C2CD3: variants seen among roughly 807,000 people sequenced by gnomAD.
C2CD3 encodes the protein C2 domain containing 3 centriole elongation regulator, also known as C2 domain-containing protein 3.
A neutral mutation model predicts 234.0 loss-of-function variants in C2CD3; 148 were observed. The observed-to-expected ratio is 0.63, with a 90% CI of 0.55 to 0.72. The LOEUF (loss-of-function observed/expected upper bound fraction) is 0.72. Among genes scored for constraint, C2CD3 ranks in the 30% least tolerant of loss-of-function variants. C2CD3 has a pLI of 0.00. For synonymous variants in C2CD3, 1,000 were observed against 1,035.4 expected, an observed-to-expected ratio of 0.97 and a Z score of 0.66; for missense variants, 2,577 against 2,811.5, an observed-to-expected ratio of 0.92 and a Z score of 1.89.
At chr11:74,093,766 T>A (rs1445581962) in intron 18 of C2CD3, 50 bp downstream of exon 18, 1 of 1,485,330 alleles carries the variant, frequency 6.7e-7, no homozygotes, top group Non-Finnish European at 9.3e-7. Context: ...GGATGCTTTA[T>A]GATTGTGCAC....
At chr11:74,119,545 A>G (rs1386273654) in intron 8 of C2CD3, among the ~76,000 whole-genome samples, 1 of 152,024 alleles carries the variant, frequency 6.6e-6, no homozygotes, top group Non-Finnish European at 1.5e-5. Flanking sequence ...TTTTTTCAGC[A>G]TGTCAGGGGG....
chr11:74,046,740 C>A (rs1326153354), intron 28 of C2CD3, among the ~76,000 whole-genome samples: 2 of 152,122 alleles, frequency 1.3e-5, no homozygotes, highest in Non-Finnish European at 2.9e-5. Flanking sequence ...ATTAATATTT[C>A]ATTGTATGGA....
chr11:74,023,267 G>A (rs1042516014), intron 32 of C2CD3, among the ~76,000 whole-genome samples: 7 of 152,234 alleles, frequency 4.6e-5, no homozygotes, highest in African/African-American at 1.4e-4. Flanking sequence ...TGTTAGCCCT[G>A]ACCCGGAAGC....
At chr11:74,044,612 G>A (rs1458935611) in intron 28 of C2CD3, among the ~76,000 whole-genome samples, 3 of 152,136 alleles carry the variant, frequency 2.0e-5, no homozygotes, top group East Asian at 1.9e-4. Flanking sequence ...GAGGGTGTAT[G>A]TGCAGGATGC....
chr11:74,086,474 AC>A (rs1301736510), intron 20 of C2CD3, among the ~76,000 whole-genome samples: 1 of 152,146 alleles, frequency 6.6e-6, no homozygotes, highest in Non-Finnish European at 1.5e-5. Flanking sequence ...TGCATAAGTG[AC>A]CTCGTTTTGG....
In C2CD3 at chr11:74,033,726, C is replaced by A. The variant is rs541932402; in HGVS notation, c.6434G>T (p.Gly2145Val). The change falls in exon 31 of 33, where the codon GGT (glycine) becomes GTT (valine). Residue 2145 changes from glycine (G) to valine (V), a missense_variant. Transcript: ENST00000334126. ...RAVNPHLPRQ[G>V]SPSQSLVACE... ...AGCAACAAGACTTTGGCTAGGAGAA[C>A]CCTGCCTAGGCAGGTGGGGGTTGAC... 4 of 1,536,370 alleles carry A rather than the reference C, an allele frequency of 2.6e-6. No individual in the cohort carries two copies. Among genetic ancestry groups the A allele is most frequent in the Admixed American group, 3.9e-5 (2 of 50,986 alleles).
intron 3 of C2CD3, among the ~76,000 whole-genome samples, chr11:74,152,485 T>G (rs1378308556): frequency 6.6e-6 from 1 of 152,232 alleles, no homozygotes. Context: ...AATTCTACGT[T>G]AACTCTTCCA....
chr11:74,033,676 T>A lies in C2CD3; in HGVS notation c.6484A>T (p.Arg2162Trp). The A allele has an allele frequency of 6.5e-7, 1 of 1,536,290 alleles. No individual in the cohort carries two copies. Among genetic ancestry groups the A allele is most frequent in the Non-Finnish European group, 8.7e-7 (1 of 1,146,920 alleles). The change falls in exon 31 of 33, where the codon AGG (arginine) becomes TGG (tryptophan). Residue 2162 changes from arginine to tryptophan, a missense_variant. Coordinates refer to ENST00000334126, the MANE Select transcript of C2CD3 (RefSeq NM_001286577.2). Reference protein sequence around the residue: ...VACECEASKARVGGESASANP... With the variant: ...VACECEASKAWVGGESASANP... Reference sequence around the variant, plus strand: ...GCTGAGGCAGACTCGCCACCAACCCTGGCCTTAGAGGCCTCACACTCACAA... The same window carrying A: ...GCTGAGGCAGACTCGCCACCAACCCAGGCCTTAGAGGCCTCACACTCACAA...
At position 74,017,319 on chromosome 11, in the gene C2CD3, C is replaced by T. The variant is rs977085324; in HGVS notation, c.6922-3794G>A. Among the ~76,000 whole-genome samples, 7 of 152,304 alleles carry T rather than the reference C, an allele frequency of 4.6e-5. No homozygotes were observed. The East Asian group carries it at 5.8e-4, about 13-fold the overall frequency. On this transcript the variant is annotated intron_variant, in intron 32 of 32. Transcript: ENST00000334126. ...TTTCCTGTGGACCGGGTGTCAAGCACGGCAGTAGGCCAGGGGCTTTCAGGC... is the reference window on the plus strand; with the variant it reads ...TTTCCTGTGGACCGGGTGTCAAGCATGGCAGTAGGCCAGGGGCTTTCAGGC...
chr11:74,161,422 A>G lies in C2CD3; in HGVS notation c.460T>C (p.Ser154Pro). Reference protein sequence around the residue: ...NGFFTIVSSTSKKLGELQVSL... With the variant: ...NGFFTIVSSTPKKLGELQVSL... ...ACCTGGAGTTCTCCAAGTTTCTTAG[A>G]CGTTGATGAAACAATGGTAAAAAAT... Residue 154 changes from serine (S) to proline (P), a missense_variant, in exon 3 of 33, where the codon TCT becomes CCT. Ser to Pro is a moderately conservative substitution (Grantham distance 74). Coordinates refer to ENST00000334126, the MANE Select transcript of C2CD3 (RefSeq NM_001286577.2). 1.3e-6 allele frequency: 2 copies of G among 1,591,852 alleles called. No individual in the cohort carries two copies. The highest frequency in any genetic ancestry group is 1.7e-6 in the Non-Finnish European group (2 of 1,170,866).
intron 3 of C2CD3, chr11:74,142,375 A>G (rs1263458321): frequency 6.6e-6 from 1 of 152,264 alleles, no homozygotes; most frequent in Non-Finnish European, 1.5e-5. Context: ...TTTGAAATAC[A>G]AAGAATTTCT....
intron 2 of C2CD3, 76 bp downstream of exon 2, chr11:74,168,268 A>G: frequency 8.1e-7 from 1 of 1,238,622 alleles, no homozygotes; most frequent in Admixed American, 1.8e-5. Flanking sequence ...TAGGTACACA[A>G]CAACACTTAT....
chr11:74,026,580 G>A (rs1283865949), intron 32 of C2CD3, among the ~76,000 whole-genome samples: 3 of 152,182 alleles, frequency 2.0e-5, no homozygotes, highest in East Asian at 1.9e-4. Context: ...CATGTTAACT[G>A]CTAAGTAAAA....
intron 32 of C2CD3, among the ~76,000 whole-genome samples, chr11:74,018,022 C>T (rs562166490): frequency 1.2e-4 from 19 of 152,314 alleles, no homozygotes; most frequent in African/African-American, 4.6e-4. Context: ...TGGTCTGTGG[C>T]CCAACCTAAC....
chr11:74,029,937 G>T (rs1352661793), intron 31 of C2CD3, among the ~76,000 whole-genome samples: 2 of 152,044 alleles, frequency 1.3e-5, no homozygotes. Context: ...TGTATTTTTA[G>T]TAGAGATGGA....
chr11:74,054,837 G>A (rs1293122260), intron 25 of C2CD3, among the ~76,000 whole-genome samples, 166 bp from the exon 26 acceptor site: 1 of 152,122 alleles, frequency 6.6e-6, no homozygotes, highest in African/African-American at 2.4e-5. Context: ...TAAAATGAGG[G>A]GATGGAAGCT....
intron 24 of C2CD3, among the ~76,000 whole-genome samples, chr11:74,067,281 C>A (rs565867845): frequency 3.5e-4 from 53 of 152,032 alleles, no homozygotes; most frequent in African/African-American, 1.2e-3. Flanking sequence ...GAAGGAAGAT[C>A]TAGTGGCGTC....
At chr11:74,107,351 C>G (rs770388262) in intron 12 of C2CD3, among the ~76,000 whole-genome samples, 11 of 148,816 alleles carry the variant, frequency 7.4e-5, no homozygotes, top group East Asian at 4.0e-4. Flanking sequence ...CACACACACA[C>G]AGAAATAAGA....
Position 74,078,153 on chromosome 11 carries a change from CT to C in C2CD3, c.4564del (p.Arg1522AspfsTer10). The C allele has an allele frequency of 6.2e-7, 1 of 1,613,986 alleles. No individual in the cohort carries two copies. Among genetic ancestry groups the C allele is most frequent in the Non-Finnish European group, 8.5e-7 (1 of 1,179,974 alleles). On this transcript the variant is annotated frameshift_variant, in exon 23 of 33. Coordinates refer to ENST00000334126, the MANE Select transcript of C2CD3 (RefSeq NM_001286577.2). LOFTEE classifies it high-confidence loss of function. ...CGTCCTCGCTGACCTCTCCCCAAGT[CT>C]GGCCAGGTCCACATAGGCTGAGCCA... The part of the protein sequence containing the change: ...WIGSAYVDLA[R>X]LGERSARTLT...
Sources: gnomAD v4.1 joint callset for allele counts (sites outside exome capture counted in the v4.1 genomes callset) on GRCh38, gnomAD v4.1.1 for gene constraint, MANE v1.5 for transcripts, NCBI Gene and HGNC (gene_info 2026-07-23, HGNC 2026-07-21) for gene names.